Variants in UNC93A observed in about 807,000 individuals in gnomAD.
The protein encoded by UNC93A is N-acetylglucosamine transporter UNC93A.
Under a neutral mutation model 47.5 loss-of-function variants are expected in UNC93A, and 43 were observed. That is an observed-to-expected ratio of 0.91 (90% CI 0.71 to 1.17). The LOEUF (loss-of-function observed/expected upper bound fraction) is 1.17. Ranked by LOEUF, UNC93A falls within the 50% of genes most tolerant of loss-of-function variation. The pLI is 0.00. For missense variants in UNC93A, 605 were observed against 577.6 expected, an observed-to-expected ratio of 1.05 and a Z score of -0.49; for synonymous variants, 280 against 258.0, an observed-to-expected ratio of 1.09 and a Z score of -0.82.
rs1454996209 is a variant in UNC93A, at chr6:167,271,459, G to T, written c.-52+1G>T. 1 of 152,266 alleles carries T rather than the reference G, an allele frequency of 6.6e-6. No individual in the cohort carries two copies. Among genetic ancestry groups the T allele is most frequent in the Admixed American group, 6.5e-5 (1 of 15,280 alleles). 9.4% of individuals were successfully genotyped at this position (152,266 alleles called of 1,614,324 possible). On this transcript the variant is annotated splice_donor_variant, in intron 1 of 3. Coordinates refer to the UNC93A transcript ENST00000503433. LOFTEE classifies it low-confidence loss of function (5UTR_SPLICE). ...AAGGGCCATTCAGGAAACAGCACAG[G>T]TGAGATGTGGGATGGGCTCCGTGGC... is the stretch of plus-strand genomic sequence containing the variant.
At chr6:167,277,310 A>T (rs937251687) in intron 1 of UNC93A, among the ~76,000 whole-genome samples, 1 of 152,106 alleles carries the variant, frequency 6.6e-6, no homozygotes, top group Non-Finnish European at 1.5e-5. Context: ...CTGGCCTGTG[A>T]CCTGCCTTGG....
intron 1 of UNC93A, among the ~76,000 whole-genome samples, chr6:167,274,837 G>A (rs1736585): frequency 0.7 from 106,927 of 152,088 alleles, 37,954 homozygotes; most frequent in African/African-American, 0.8. Flanking sequence ...TCCCTATGCA[G>A]TCGACTTCTG....
chr6:167,275,731 C>G (rs766504371), intron 1 of UNC93A, among the ~76,000 whole-genome samples: 1 of 152,234 alleles, frequency 6.6e-6, no homozygotes, highest in African/African-American at 2.4e-5. Context: ...ATGCTGGGTC[C>G]ACACCCTGCT....
At chr6:167,308,435 G>A (rs1438354855) in intron 7 of UNC93A, among the ~76,000 whole-genome samples, 1 of 152,130 alleles carries the variant, frequency 6.6e-6, no homozygotes, top group East Asian at 1.9e-4. Flanking sequence ...CTGGGCAGTG[G>A]TGGGTTTTCT....
At chr6:167,313,958 C>A (rs1778623225) in intron 7 of UNC93A, among the ~76,000 whole-genome samples, 1 of 152,148 alleles carries the variant, frequency 6.6e-6, no homozygotes, top group South Asian at 2.1e-4. Flanking sequence ...AGAAGGGTGC[C>A]TTGTCCTGAG....
chr6:167,306,769 G>C (rs542170534), intron 6 of UNC93A, among the ~76,000 whole-genome samples: 23 of 152,328 alleles, frequency 1.5e-4, no homozygotes, highest in African/African-American at 5.5e-4. Flanking sequence ...AGATCATGGA[G>C]TGCAGAAGTG....
chr6:167,313,247 T>A (rs1462784507), intron 7 of UNC93A, among the ~76,000 whole-genome samples: 1 of 152,170 alleles, frequency 6.6e-6, no homozygotes, highest in African/African-American at 2.4e-5. Flanking sequence ...CCCAAACACA[T>A]CTAGGTGATT....
chr6:167,307,758 G>A, intron 6 of UNC93A, 21 bp from the exon 7 acceptor site: 1 of 1,586,828 alleles, frequency 6.3e-7, no homozygotes, highest in South Asian at 1.1e-5. Context: ...TCGCCTGGCG[G>A]TTTCCCCTCT....
chr6:167,279,784 A>G (rs1234871052), intron 1 of UNC93A, among the ~76,000 whole-genome samples: 1 of 152,244 alleles, frequency 6.6e-6, no homozygotes, highest in Non-Finnish European at 1.5e-5. Flanking sequence ...TTTAGTTTGC[A>G]CATAGTAGAG....
Position 167,303,996 on chromosome 6 carries a change from G to C in UNC93A, c.703G>C (p.Glu235Gln), listed in dbSNP as rs1442896956. ...AGATGTTCAGCGGGAAAGTGAAGGA[G>C]AGAAGAAATCAGTACCTTTCTGGTC... ...IRDVQRESEGEKKSVPFWSTL... is the reference protein window; with the variant it reads ...IRDVQRESEGQKKSVPFWSTL... The change falls in exon 5 of 8, where the codon GAG becomes CAG. Residue 235 changes from glutamate to glutamine, a missense_variant. Glu to Gln is a conservative substitution (Grantham distance 29). Transcript: ENST00000230256. 1 of 1,613,790 alleles carries C rather than the reference G, an allele frequency of 6.2e-7. No homozygotes were observed. Among genetic ancestry groups the C allele is most frequent in the Admixed American group, 1.7e-5 (1 of 59,958 alleles).
intron 1 of UNC93A, among the ~76,000 whole-genome samples, chr6:167,282,557 C>A (rs1212565172): frequency 6.6e-6 from 1 of 152,160 alleles, no homozygotes; most frequent in Non-Finnish European, 1.5e-5. Context: ...CAGTAAAAAA[C>A]AACAGATTTT....
intron 4 of UNC93A, among the ~76,000 whole-genome samples, chr6:167,300,780 G>C (rs908033808): frequency 3.3e-5 from 5 of 152,118 alleles, no homozygotes; most frequent in Non-Finnish European, 2.9e-5. Context: ...TGGGGGACTC[G>C]GGGACATTGA....
intron 1 of UNC93A, among the ~76,000 whole-genome samples, chr6:167,273,109 G>A (rs765872689): frequency 6.6e-6 from 1 of 152,160 alleles, no homozygotes; most frequent in Non-Finnish European, 1.5e-5. Flanking sequence ...TCCTCTTACT[G>A]CCGCCTTCTA....
intron 1 of UNC93A, among the ~76,000 whole-genome samples, chr6:167,280,217 C>T (rs1383914934): frequency 6.6e-6 from 1 of 152,158 alleles, no homozygotes; most frequent in Non-Finnish European, 1.5e-5. Flanking sequence ...TGGCCACCTG[C>T]CTTGAGAGTG....
chr6:167,269,208 C>T (rs549517527), upstream of UNC93A, among the ~76,000 whole-genome samples: 27 of 152,280 alleles, frequency 1.8e-4, no homozygotes, highest in South Asian at 6.2e-4. Context: ...CTTGCATGGG[C>T]GAGTGAGGCG....
chr6:167,285,342 G>A (rs920397726), intron 1 of UNC93A, among the ~76,000 whole-genome samples: 5 of 151,898 alleles, frequency 3.3e-5, no homozygotes, highest in Admixed American at 2.0e-4. Flanking sequence ...GTAGCCAGCT[G>A]TCTGCCAGGG....
At chr6:167,287,802 C>T (rs921340487), upstream of UNC93A, among the ~76,000 whole-genome samples, 1 of 152,124 alleles carries the variant, frequency 6.6e-6, no homozygotes, top group Non-Finnish European at 1.5e-5. Context: ...CCTACACGAT[C>T]CCCCTGACTA....
intron 1 of UNC93A, among the ~76,000 whole-genome samples, chr6:167,286,216 C>T (rs2981956): frequency 0.39 from 58,941 of 151,990 alleles, 11,807 homozygotes; most frequent in African/African-American, 0.48. Flanking sequence ...ATATCGAGTA[C>T]CTTTCCAGTC....
At chr6:167,295,691 G>GCCTCGTGCTCCTTGCCTC (rs1778059624) in intron 2 of UNC93A, among the ~76,000 whole-genome samples, 5 of 38,420 alleles carry the variant, frequency 1.3e-4, no homozygotes, top group East Asian at 2.0e-3. Flanking sequence ...CTCCTCGCCT[G>GCCTCGTGCTCCTTGCCTC]CCTCGTGCTC....
Sources: gnomAD v4.1 joint callset for allele counts (sites outside exome capture counted in the v4.1 genomes callset) on GRCh38, gnomAD v4.1.1 for gene constraint, MANE v1.5 for transcripts, NCBI Gene and HGNC (gene_info 2026-07-23, HGNC 2026-07-21) for gene names.